The following CDH13 variants were observed in gnomAD, a reference collection of about 807,000 sequenced individuals.
CDH13 encodes cadherin-13.
Under a neutral mutation model 63.8 loss-of-function variants are expected in CDH13, and 24 were observed. The observed-to-expected ratio is 0.38, with a 90% CI of 0.27 to 0.53. The LOEUF is 0.53. CDH13 is among the 20% of genes least tolerant of loss of function. The pLI, the probability that CDH13 is intolerant of heterozygous loss-of-function variation, is 0.85. For synonymous variants in CDH13, 503 were observed against 355.3 expected, an observed-to-expected ratio of 1.42 and a Z score of -4.67; for missense variants, 1,049 against 903.1, an observed-to-expected ratio of 1.16 and a Z score of -2.07.
At chr16:83,698,823 A>G (rs894490226) in intron 10 of CDH13, among the ~76,000 whole-genome samples, 2 of 152,176 alleles carry the variant, frequency 1.3e-5, no homozygotes, top group African/African-American at 2.4e-5. Flanking sequence ...GGACCACACA[A>G]TCTGTGTCTC....
At chr16:83,324,756 A>G (rs757334078) in intron 5 of CDH13, among the ~76,000 whole-genome samples, 47 of 152,150 alleles carry the variant, frequency 3.1e-4, no homozygotes, top group Non-Finnish European at 5.0e-4. Context: ...TCTCTTGGCT[A>G]TTTGTCTAGG....
intron 8 of CDH13, among the ~76,000 whole-genome samples, chr16:83,657,148 GA>G (rs1912942827): frequency 6.6e-6 from 1 of 152,212 alleles, no homozygotes; most frequent in South Asian, 2.1e-4. Context: ...CTTCCTTTGA[GA>G]AACTAACAGA....
At chr16:83,181,359 G>A (rs2038343708) in intron 4 of CDH13, among the ~76,000 whole-genome samples, 1 of 152,168 alleles carries the variant, frequency 6.6e-6, no homozygotes, top group African/African-American at 2.4e-5. Context: ...GGGGTCCACT[G>A]GACCTCCTTG....
intron 2 of CDH13, among the ~76,000 whole-genome samples, chr16:82,959,993 G>C (rs1906726044): frequency 6.6e-6 from 1 of 152,278 alleles, no homozygotes; most frequent in East Asian, 1.9e-4. Context: ...TTGCTAAACT[G>C]TTTTCCAGAG....
At chr16:83,117,949 G>A (rs963424045) in intron 3 of CDH13, among the ~76,000 whole-genome samples, 3 of 152,210 alleles carry the variant, frequency 2.0e-5, no homozygotes, top group African/African-American at 7.2e-5. Context: ...AATGCCCTAA[G>A]ACAGGAAGAT....
intron 1 of CDH13, among the ~76,000 whole-genome samples, chr16:82,670,768 C>A (rs1321935970): frequency 6.6e-6 from 1 of 152,164 alleles, no homozygotes; most frequent in Non-Finnish European, 1.5e-5. Context: ...CATCAACGAG[C>A]AATTCAGTAA....
intron 3 of CDH13, among the ~76,000 whole-genome samples, chr16:83,036,447 A>C (rs1257624136): frequency 6.6e-6 from 1 of 151,740 alleles, no homozygotes; most frequent in Admixed American, 6.6e-5. Flanking sequence ...GCAGTGCCCA[A>C]CCTGGAGCTC....
intron 1 of CDH13, among the ~76,000 whole-genome samples, chr16:82,754,850 C>T (rs2034553155): frequency 6.6e-6 from 1 of 152,138 alleles, no homozygotes; most frequent in African/African-American, 2.4e-5. Context: ...TTGTCACAGT[C>T]AGTGGGTACT....
In CDH13 at chr16:83,486,498, C is replaced by T. The variant is rs369247579; in HGVS notation, c.803C>T (p.Thr268Ile). The T allele has an allele frequency of 6.2e-6, 10 of 1,613,548 alleles. No homozygotes were observed. Among genetic ancestry groups the T allele is most frequent in the Non-Finnish European group, 8.5e-6 (10 of 1,179,670 alleles). Residue 268 changes from threonine to isoleucine, a missense_variant, in exon 7 of 14, where the codon ACA (threonine) becomes ATA (isoleucine). By Grantham distance (89) the Thr-to-Ile change is moderately conservative. Coordinates refer to ENST00000567109, the MANE Select transcript of CDH13 (RefSeq NM_001257.5). ...SPTGTTVMRM[T>I]AFDADDPATD... ...GTAGGCACCACAGTGATGCGGATGA[C>T]AGCCTTTGATGCAGATGACCCAGCC...
chr16:83,431,625 A>G (rs1276871894), intron 6 of CDH13, among the ~76,000 whole-genome samples: 2 of 152,148 alleles, frequency 1.3e-5, no homozygotes, highest in African/African-American at 2.4e-5. Context: ...GAAGCTTCCA[A>G]TCATGCACGA....
intron 10 of CDH13, among the ~76,000 whole-genome samples, chr16:83,711,679 G>T (rs1598548131): frequency 6.6e-6 from 1 of 151,986 alleles, no homozygotes; most frequent in South Asian, 2.1e-4. Flanking sequence ...CTACCACCTG[G>T]CTAATTTTTG....
chr16:82,963,371 C>G (rs1907323125), intron 2 of CDH13, among the ~76,000 whole-genome samples: 1 of 152,136 alleles, frequency 6.6e-6, no homozygotes, highest in Admixed American at 6.5e-5. Context: ...AAGAGTGAAA[C>G]TCTGTCTCAA....
At chr16:82,705,326 C>A in intron 1 of CDH13, 1 of 358,314 alleles carries the variant, frequency 2.8e-6, no homozygotes, top group South Asian at 2.2e-5. Flanking sequence ...CTCCTTCTCT[C>A]CAGCAAGGGA....
At chr16:83,389,558 C>T (rs114061301) in intron 6 of CDH13, among the ~76,000 whole-genome samples, 1,898 of 152,254 alleles carry the variant, frequency 0.012, 40 homozygotes, top group African/African-American at 0.044. Context: ...TTATTTTATT[C>T]TCCACATAAT....
intron 5 of CDH13, among the ~76,000 whole-genome samples, chr16:83,231,577 G>A (rs766087989): frequency 1.8e-4 from 28 of 152,164 alleles, no homozygotes; most frequent in Non-Finnish European, 3.5e-4. Context: ...TACATTAGAA[G>A]TAGGGGGTCT....
intron 8 of CDH13, among the ~76,000 whole-genome samples, chr16:83,620,130 C>A (rs544414163): frequency 1.3e-5 from 2 of 152,118 alleles, no homozygotes; most frequent in Non-Finnish European, 2.9e-5. Context: ...CAGTGGCTCA[C>A]GCCTGTAATC....
At chr16:83,385,593 G>A (rs2091657464) in intron 6 of CDH13, among the ~76,000 whole-genome samples, 1 of 152,118 alleles carries the variant, frequency 6.6e-6, no homozygotes, top group South Asian at 2.1e-4. Flanking sequence ...AGAACATGGG[G>A]TCTCTATGGT....
At chr16:83,468,085 G>A (rs981065260) in intron 6 of CDH13, among the ~76,000 whole-genome samples, 4 of 152,282 alleles carry the variant, frequency 2.6e-5, no homozygotes, top group East Asian at 3.9e-4. Flanking sequence ...TTTTGGCACC[G>A]TGAACTTGAA....
At chr16:83,703,059 C>G (rs899821498) in intron 10 of CDH13, among the ~76,000 whole-genome samples, 2 of 152,162 alleles carry the variant, frequency 1.3e-5, no homozygotes. Flanking sequence ...AATGGCAAGG[C>G]TAACAAGAGC....
Sources: allele counts gnomAD v4.1 joint callset (sites outside exome capture counted in the v4.1 genomes callset), GRCh38; gene constraint gnomAD v4.1.1; transcripts MANE v1.5; gene names NCBI Gene and HGNC (gene_info 2026-07-23, HGNC 2026-07-21).